Variants in MAGI2 observed in about 807,000 individuals in gnomAD.
MAGI2 encodes membrane-associated guanylate kinase, WW and PDZ domain-containing protein 2.
MAGI2 carries 35 observed loss-of-function variants against 133.3 expected under a neutral mutation model. That is an observed-to-expected ratio of 0.26 (90% confidence interval 0.20 to 0.35). The LOEUF is 0.35. MAGI2 is among the 10% of genes least tolerant of loss of function. MAGI2 has a pLI of 1.00. For synonymous variants in MAGI2, 729 were observed against 710.6 expected, an observed-to-expected ratio of 1.03 and a Z score of -0.41; for missense variants, 1,636 against 1,863.4, an observed-to-expected ratio of 0.88 and a Z score of 2.25.
chr7:79,146,645 C>A (rs1822655512), intron 1 of MAGI2, among the ~76,000 whole-genome samples: 1 of 152,200 alleles, frequency 6.6e-6, no homozygotes, highest in Admixed American at 6.5e-5. Context: ...TGGGAGTTCC[C>A]CTGCACAAGC....
At chr7:78,309,268 C>T (rs1050670718) in intron 9 of MAGI2, among the ~76,000 whole-genome samples, 4 of 152,030 alleles carry the variant, frequency 2.6e-5, no homozygotes, top group Admixed American at 6.6e-5. Flanking sequence ...TTCACAATAG[C>T]GAAGACAAGG....
chr7:78,553,109 C>A (rs2362633), intron 3 of MAGI2, among the ~76,000 whole-genome samples: 106,771 of 147,282 alleles, frequency 0.72, 38,876 homozygotes, highest in East Asian at 0.84. Context: ...AAAAAAAAAA[C>A]AAACACCAAA....
At chr7:79,394,907 A>AT (rs1255082703) in intron 1 of MAGI2, among the ~76,000 whole-genome samples, 1 of 152,228 alleles carries the variant, frequency 6.6e-6, no homozygotes, top group African/African-American at 2.4e-5. Flanking sequence ...TTCAGACTAT[A>AT]AATATCAGTC....
At chr7:79,270,490 ACT>A (rs1834800446) in intron 1 of MAGI2, among the ~76,000 whole-genome samples, 2 of 152,138 alleles carry the variant, frequency 1.3e-5, no homozygotes, top group African/African-American at 4.8e-5. Context: ...TATGATTATA[ACT>A]TTTCTCAATC....
chr7:78,671,716 T>A (rs1359551576), intron 2 of MAGI2, among the ~76,000 whole-genome samples: 1 of 152,208 alleles, frequency 6.6e-6, no homozygotes, highest in Admixed American at 6.6e-5. Flanking sequence ...AACCGTCTGA[T>A]GTTTACTGTT....
chr7:78,911,740 G>A (rs530592146), intron 2 of MAGI2, among the ~76,000 whole-genome samples: 6 of 151,878 alleles, frequency 4.0e-5, no homozygotes, highest in Non-Finnish European at 8.8e-5. Flanking sequence ...ACATGTGAAG[G>A]TTTGTTCCAT....
Position 78,019,857 on chromosome 7 carries a change from G to A in MAGI2, c.3826C>T (p.Pro1276Ser). 1 of 1,613,502 alleles carries A rather than the reference G, an allele frequency of 6.2e-7. No individual in the cohort carries two copies. Among genetic ancestry groups the A allele is most frequent in the East Asian group, 2.2e-5 (1 of 44,828 alleles). Residue 1276 changes from proline (P) to serine (S), a missense_variant, in exon 22 of 22, where the codon CCT (proline) becomes TCT (serine). Pro to Ser is a moderately conservative substitution (Grantham distance 74, BLOSUM62 -1). Transcript: ENST00000354212. Reference protein sequence around the residue: ...SPSHPAPPSDPSHQISPGPTW... With the variant: ...SPSHPAPPSDSSHQISPGPTW... ...GGGCCTGGGCTTATCTGGTGGGAAG[G>A]GTCGGAGGGTGGGGCTGGATGTGAT... is the stretch of plus-strand genomic sequence containing the variant.
At position 78,588,594 on chromosome 7, in the gene MAGI2, G is replaced by C. The variant is rs1422033067; in HGVS notation, c.538+38526C>G. Among the ~76,000 whole-genome samples the C allele has an allele frequency of 2.0e-5, 3 of 152,186 alleles. No homozygotes were observed. The East Asian group carries it at 5.8e-4, about 29-fold the overall frequency. On this transcript the variant is annotated intron_variant, in intron 3 of 21. Transcript: ENST00000354212. ...CCAACCCAGAGAGGACTGTGGGCTT[G>C]GTGCAGATGACTGGCTGAGCTCCTA...
At chr7:79,101,451 G>T (rs1489963207) in intron 1 of MAGI2, among the ~76,000 whole-genome samples, 1 of 152,092 alleles carries the variant, frequency 6.6e-6, no homozygotes, top group East Asian at 1.9e-4. Context: ...GGGGCCGGGC[G>T]CAGTGTCTCA....
chr7:79,402,664 T>C (rs1279522534), intron 1 of MAGI2, among the ~76,000 whole-genome samples: 1 of 152,126 alleles, frequency 6.6e-6, no homozygotes, highest in Non-Finnish European at 1.5e-5. Flanking sequence ...ATTTGTTTCA[T>C]TTAAAAATGT....
chr7:78,345,984 T>A lies in MAGI2; in HGVS notation c.1163A>T (p.Gln388Leu). 1 of 1,614,252 alleles carries A rather than the reference T, an allele frequency of 6.2e-7. No homozygotes were observed. Among genetic ancestry groups the A allele is most frequent in the Non-Finnish European group, 8.5e-7 (1 of 1,180,040 alleles). Residue 388 changes from glutamine to leucine, a missense_variant, in exon 8 of 22, where the codon CAG (glutamine) becomes CTG (leucine). Gln to Leu is a moderately radical substitution (Grantham distance 113). This residue lies in a region of MAGI2 where 920 missense variants were observed against 1,093.5 expected (regional missense o/e 0.84). Transcript: ENST00000354212. ...TTCTGTGTGGGGCATGTTATGTTGCTGTAGCTTCCTTTTTGCTTCCAGGAC... is the reference window on the plus strand; with the variant it reads ...TTCTGTGTGGGGCATGTTATGTTGCAGTAGCTTCCTTTTTGCTTCCAGGAC... ...NPVLEAKRKLQQHNMPHTELG... is the reference protein window; with the variant it reads ...NPVLEAKRKLLQHNMPHTELG...
chr7:79,419,748 T>C (rs757958866), intron 1 of MAGI2, among the ~76,000 whole-genome samples: 7 of 152,098 alleles, frequency 4.6e-5, no homozygotes, highest in Non-Finnish European at 8.8e-5. Flanking sequence ...ATTTATCTAA[T>C]GTTATAAATA....
chr7:78,572,630 A>AT (rs1801622108), intron 3 of MAGI2, among the ~76,000 whole-genome samples: 1 of 151,856 alleles, frequency 6.6e-6, no homozygotes, highest in Non-Finnish European at 1.5e-5. Flanking sequence ...ATCTACTCTG[A>AT]TTTTTTGTTT....
chr7:78,641,484 G>A (rs1243196153), intron 2 of MAGI2, among the ~76,000 whole-genome samples: 1 of 152,184 alleles, frequency 6.6e-6, no homozygotes, highest in Non-Finnish European at 1.5e-5. Context: ...CAAGGTGGTG[G>A]ACAGATTTAA....
chr7:78,894,301 C>G (rs539624062), intron 2 of MAGI2, among the ~76,000 whole-genome samples: 13 of 152,288 alleles, frequency 8.5e-5, no homozygotes, highest in Non-Finnish European at 1.3e-4. Context: ...ACTCCGGAGG[C>G]TGAGGCAGGA....
intron 1 of MAGI2, among the ~76,000 whole-genome samples, chr7:79,264,229 C>A (rs889749014): frequency 1.3e-5 from 2 of 152,172 alleles, no homozygotes; most frequent in African/African-American, 4.8e-5. Context: ...TAGTGCAGAT[C>A]TATATTCTAT....
At chr7:78,899,631 G>T (rs1797459893) in intron 2 of MAGI2, among the ~76,000 whole-genome samples, 1 of 152,140 alleles carries the variant, frequency 6.6e-6, no homozygotes, top group Admixed American at 6.5e-5. Flanking sequence ...AAACCTCAGT[G>T]AACATTGGAA....
chr7:79,356,860 C>G (rs1271762621), intron 1 of MAGI2, among the ~76,000 whole-genome samples: 1 of 152,110 alleles, frequency 6.6e-6, no homozygotes, highest in African/African-American at 2.4e-5. Context: ...AGAGATTACT[C>G]TTTACATCAA....
At chr7:79,128,429 C>T (rs1460637267) in intron 1 of MAGI2, among the ~76,000 whole-genome samples, 1 of 152,142 alleles carries the variant, frequency 6.6e-6, no homozygotes, top group African/African-American at 2.4e-5. Context: ...CTTTTGAAAA[C>T]ATTTTATTTT....
Sources: gnomAD v4.1 joint callset for allele counts (sites outside exome capture counted in the v4.1 genomes callset) on GRCh38, gnomAD v4.1.1 for gene constraint, gnomAD v4.1.1 regional missense constraint, MANE v1.5 for transcripts, NCBI Gene and HGNC (gene_info 2026-07-23, HGNC 2026-07-21) for gene names.